Variants in NBPF4 observed in about 807,000 individuals in gnomAD.
NBPF4 encodes the protein NBPF member 4.
Under a neutral mutation model 21.1 loss-of-function variants are expected in NBPF4, and 11 were observed. That is an observed-to-expected ratio of 0.52 (90% confidence interval 0.33 to 0.86). The LOEUF is 0.86. NBPF4 is among the 40% of genes least tolerant of loss of function. The pLI is 0.03. For missense variants in NBPF4, 88 were observed against 265.3 expected (o/e 0.33, Z 4.64); for synonymous variants, 47 against 106.4 (o/e 0.44, Z 3.43).
At chr1:108,268,535 G>T in the NBPF4 span, among the ~76,000 whole-genome samples, 3 of 136,430 alleles carry the variant, frequency 2.2e-5, no homozygotes, top group African/African-American at 8.2e-5. Flanking sequence ...ACATTTTAAA[G>T]GAGTTATTTA....
At chr1:108,252,617 A>T in the NBPF4 span, among the ~76,000 whole-genome samples, 1 of 120,366 alleles carries the variant, frequency 8.3e-6, no homozygotes, top group East Asian at 2.3e-4. Context: ...CTGTTCCAGG[A>T]TTTCAGCTTT....
chr1:108,229,578 C>A (rs1475005778), intron 12 of NBPF4, among the ~76,000 whole-genome samples: 1 of 145,400 alleles, frequency 6.9e-6, no homozygotes, highest in Admixed American at 6.9e-5. Context: ...GAGAAAGAAC[C>A]ACGAAAAAGG....
At position 108,229,073 on chromosome 1, in the gene NBPF4, G is replaced by C; in HGVS notation, c.1507C>G (p.Gln503Glu). 6.4e-7 allele frequency: 1 copy of C among 1,551,070 alleles called. No homozygotes were observed. Among genetic ancestry groups the C allele is most frequent in the Non-Finnish European group, 8.7e-7 (1 of 1,146,530 alleles). ...HQSEVQVSQA[Q>E]LEPSTLVPSC... ...GGCACCAGGGTGCTTGGTTCCAGCT[G>C]TGCCTGTGAAACTTGCACCTCTGAC... The change falls in exon 13 of 15, where the codon CAG becomes GAG. Residue 503 changes from glutamine to glutamate, a missense_variant. Around this residue, in one of 4 missense-constraint regions of NBPF4, gnomAD observed 60 missense variants for 86.5 expected, o/e 0.69. Coordinates refer to ENST00000415641, the MANE Select transcript of NBPF4 (RefSeq NM_001143989.3).
At chr1:108,245,948 T>C (rs974298983), upstream of NBPF4, among the ~76,000 whole-genome samples, 14 of 112,198 alleles carry the variant, frequency 1.2e-4, 3 homozygotes, top group African/African-American at 4.6e-4. Context: ...CTCTATTACC[T>C]GGAATTTCAC....
chr1:108,244,941 TATATATACACAC>T (rs1382066938), upstream of NBPF4, among the ~76,000 whole-genome samples: 61 of 37,140 alleles, frequency 1.6e-3, 3 homozygotes, highest in African/African-American at 4.8e-3. Flanking sequence ...TATATATATA[TATATATACACAC>T]ACATATAGAG....
chr1:108,226,054 G>C (rs1468430163), intron 14 of NBPF4, among the ~76,000 whole-genome samples: 3 of 130,722 alleles, frequency 2.3e-5, no homozygotes, highest in East Asian at 2.3e-4. Flanking sequence ...CTCCATCCAC[G>C]TTGGCACTAA....
At chr1:108,244,945 T>TAC (rs1288767643), upstream of NBPF4, among the ~76,000 whole-genome samples, 16 of 37,980 alleles carry the variant, frequency 4.2e-4, 3 homozygotes, top group African/African-American at 1.1e-3. Context: ...TATATATATA[T>TAC]ATACACACAC....
the NBPF4 span, among the ~76,000 whole-genome samples, chr1:108,267,429 GT>G: frequency 2.2e-5 from 2 of 91,488 alleles, no homozygotes; most frequent in African/African-American, 3.8e-5. Flanking sequence ...CATTCACCCT[GT>G]TTTTTTTTCT....
the NBPF4 span, among the ~76,000 whole-genome samples, chr1:108,254,443 A>C: frequency 5.5e-4 from 1 of 1,820 alleles, no homozygotes; most frequent in East Asian, 4.3e-3. Context: ...CACCCCACAA[A>C]AGTCATTGCC....
chr1:108,259,703 T>A, the NBPF4 span, among the ~76,000 whole-genome samples: 10 of 149,522 alleles, frequency 6.7e-5, no homozygotes, highest in African/African-American at 2.3e-4. Context: ...TGAGACCTCA[T>A]CTTCTTTTTT....
At chr1:108,247,980 T>A (rs1238023371), upstream of NBPF4, among the ~76,000 whole-genome samples, 1 of 144,656 alleles carries the variant, frequency 6.9e-6, no homozygotes, top group Non-Finnish European at 1.5e-5. Context: ...TTTCTGGCTA[T>A]TTTTTTTTTT....
Position 108,226,660 on chromosome 1 carries a change from C to T in NBPF4, c.1875+19G>A. 1 of 1,314,354 alleles carries T rather than the reference C, an allele frequency of 7.6e-7. No homozygotes were observed. Among genetic ancestry groups the T allele is most frequent in the African/African-American group, 1.5e-5 (1 of 65,950 alleles). The allele number at this position is 1,314,354 out of a possible 1,614,324, so 81.4% of individuals were successfully genotyped here. ...AGAAATAAGAAGTGAGTGCAGCTAT[C>T]AGCCATAGATGTGATTACCTCTGCG... On this transcript the variant is annotated intron_variant, in intron 14 of 14. Transcript: ENST00000415641.
Position 108,244,051 on chromosome 1 carries a change from C to CG in NBPF4, c.-189dup. On this transcript the variant is annotated 5_prime_UTR_variant, in exon 1 of 15. Coordinates refer to ENST00000415641, the MANE Select transcript of NBPF4 (RefSeq NM_001143989.3). The stretch of plus-strand genomic sequence containing the variant: ...AGGTAGCAGCCAGCGTACCAGGTAA[C>CG]GGTCTGCAGTTGCAATAACAGAATT... 2.3e-6 allele frequency: 1 copy of CG among 435,204 alleles called. No homozygotes were observed. The highest frequency in any genetic ancestry group is 3.4e-6 in the Non-Finnish European group (1 of 295,466). The allele number at this position is 435,204 out of a possible 1,614,324, so 27.0% of individuals were successfully genotyped here.
the NBPF4 span, among the ~76,000 whole-genome samples, chr1:108,254,037 C>T: frequency 1.0e-4 from 10 of 98,996 alleles, no homozygotes; most frequent in Non-Finnish European, 2.0e-4. Flanking sequence ...TGATTGTTGC[C>T]TTTGCTGTGC....
chr1:108,226,662 G>A lies in NBPF4; in HGVS notation c.1875+17C>T. 7.6e-7 allele frequency: 1 copy of A among 1,316,098 alleles called. No individual in the cohort carries two copies. Among genetic ancestry groups the A allele is most frequent in the Non-Finnish European group, 1.0e-6 (1 of 990,222 alleles). The allele number at this position is 1,316,098 out of a possible 1,614,324, so 81.5% of individuals were successfully genotyped here. A position where few individuals can be genotyped will look rare whatever the true frequency, so the allele number is the denominator to read the frequency against. Reference sequence around the variant, plus strand: ...AAATAAGAAGTGAGTGCAGCTATCAGCCATAGATGTGATTACCTCTGCGCT... The same window carrying A: ...AAATAAGAAGTGAGTGCAGCTATCAACCATAGATGTGATTACCTCTGCGCT... On this transcript the variant is annotated intron_variant, in intron 14 of 14. Coordinates refer to ENST00000415641, the MANE Select transcript of NBPF4 (RefSeq NM_001143989.3).
At chr1:108,259,635 G>T in the NBPF4 span, among the ~76,000 whole-genome samples, 4 of 144,492 alleles carry the variant, frequency 2.8e-5, no homozygotes, top group Non-Finnish European at 6.0e-5. Flanking sequence ...CACTTTGGGA[G>T]GCTGAGGCAG....
At chr1:108,264,795 G>A in the NBPF4 span, among the ~76,000 whole-genome samples, 1 of 86,854 alleles carries the variant, frequency 1.2e-5, no homozygotes, top group African/African-American at 4.4e-5. Context: ...ATGACTCCTG[G>A]GTATATAATG....
At position 108,222,567 on chromosome 1, in the gene NBPF4, T is replaced by C. The variant is rs1366728245; in HGVS notation, c.*1138A>G. Among the ~76,000 whole-genome samples the C allele has an allele frequency of 6.6e-6, 1 of 152,180 alleles. No individual in the cohort carries two copies. Among genetic ancestry groups the C allele is most frequent in the Admixed American group, 6.5e-5 (1 of 15,282 alleles). ...AAAGTTATAATTGGGGCAGAGAATA[T>C]TCTTTTTCACAACAGAATGCCAGCA... On this transcript the variant is annotated 3_prime_UTR_variant, in exon 15 of 15. Transcript: ENST00000415641.
At chr1:108,229,400 C>T (rs1406592933) in intron 12 of NBPF4, among the ~76,000 whole-genome samples, 1 of 150,784 alleles carries the variant, frequency 6.6e-6, no homozygotes, top group Non-Finnish European at 1.5e-5. Context: ...GCCCAGAGGG[C>T]TTTGGATTGT....
Sources: gnomAD v4.1 joint callset for allele counts (sites outside exome capture counted in the v4.1 genomes callset) on GRCh38, gnomAD v4.1.1 for gene constraint, gnomAD v4.1.1 regional missense constraint, MANE v1.5 for transcripts, NCBI Gene and HGNC (gene_info 2026-07-23, HGNC 2026-07-21) for gene names.